Variants in CEMIP observed in about 807,000 individuals in gnomAD.
CEMIP encodes cell migration-inducing and hyaluronan-binding protein.
Under a neutral mutation model 156.9 loss-of-function variants are expected in CEMIP, and 105 were observed. The observed-to-expected ratio is 0.67, with a 90% CI of 0.57 to 0.79. The LOEUF (loss-of-function observed/expected upper bound fraction) is 0.79, where lower values mean the gene tolerates loss of function less well. CEMIP is among the 30% of genes least tolerant of loss of function. The pLI is 0.00. For missense variants in CEMIP, 1,457 were observed against 1,769.4 expected (o/e 0.82, Z 3.17); for synonymous variants, 676 against 668.4 (o/e 1.01, Z -0.17).
chr15:80,862,877 C>T (rs544683385), intron 1 of CEMIP, among the ~76,000 whole-genome samples: 2 of 152,234 alleles, frequency 1.3e-5, no homozygotes, highest in Non-Finnish European at 2.9e-5. Flanking sequence ...ATAAGTGAAT[C>T]TCAGAGGTGA....
At chr15:80,881,264 C>A (rs1049637837) in intron 6 of CEMIP, 128 bp downstream of exon 6, 2 of 853,260 alleles carry the variant, frequency 2.3e-6, no homozygotes, top group Admixed American at 1.7e-5. Context: ...GGAATCCCTG[C>A]CTTCAAGGAG....
chr15:80,880,735 G>A (rs972741523), intron 5 of CEMIP, among the ~76,000 whole-genome samples, 165 bp from the exon 6 acceptor site: 3 of 152,124 alleles, frequency 2.0e-5, no homozygotes, highest in Non-Finnish European at 2.9e-5. Flanking sequence ...AAGCCCAGCC[G>A]CTAGTGTTAT....
chr15:80,934,205 G>A (rs1278151382), intron 23 of CEMIP, among the ~76,000 whole-genome samples: 1 of 152,074 alleles, frequency 6.6e-6, no homozygotes, highest in Non-Finnish European at 1.5e-5. Flanking sequence ...CTTGGAGAAT[G>A]TGTGATATTT....
chr15:80,804,890 A>T (rs1896473951), intron 1 of CEMIP, among the ~76,000 whole-genome samples: 1 of 152,150 alleles, frequency 6.6e-6, no homozygotes, highest in South Asian at 2.1e-4. Context: ...AAGCAACAAT[A>T]AGGTTTTGGA....
chr15:80,797,701 G>A (rs181082715), intron 1 of CEMIP, among the ~76,000 whole-genome samples: 90 of 152,290 alleles, frequency 5.9e-4, no homozygotes, highest in African/African-American at 2.0e-3. Flanking sequence ...TGGCCTGGAT[G>A]GAGGGGCCAG....
intron 1 of CEMIP, among the ~76,000 whole-genome samples, chr15:80,869,407 A>C (rs147552667): frequency 6.6e-6 from 1 of 152,224 alleles, no homozygotes. Flanking sequence ...GGTGTGGTTG[A>C]TTCCAAAGCC....
intron 18 of CEMIP, among the ~76,000 whole-genome samples, chr15:80,925,063 A>G (rs1175911979): frequency 1.3e-5 from 2 of 152,242 alleles, no homozygotes; most frequent in Non-Finnish European, 2.9e-5. Flanking sequence ...ATGGGAAAGA[A>G]CATGCAAGTC....
intron 1 of CEMIP, among the ~76,000 whole-genome samples, chr15:80,863,007 C>T (rs1898026283): frequency 6.6e-6 from 1 of 152,162 alleles, no homozygotes; most frequent in South Asian, 2.1e-4. Flanking sequence ...AGGACCCTTC[C>T]TCGCTGCAGC....
chr15:80,832,169 T>G (rs1358261756), intron 1 of CEMIP, among the ~76,000 whole-genome samples: 1 of 152,164 alleles, frequency 6.6e-6, no homozygotes, highest in African/African-American at 2.4e-5. Context: ...GTTTGAAAAT[T>G]TTGCACTTTC....
intron 10 of CEMIP, among the ~76,000 whole-genome samples, chr15:80,890,682 C>A (rs530879831): frequency 6.6e-6 from 1 of 152,138 alleles, no homozygotes; most frequent in Admixed American, 6.5e-5. Flanking sequence ...CCCATTTGTA[C>A]AACACTTTTT....
At chr15:80,900,095 G>A (rs1460314031) in intron 12 of CEMIP, among the ~76,000 whole-genome samples, 1 of 152,198 alleles carries the variant, frequency 6.6e-6, no homozygotes, top group Non-Finnish European at 1.5e-5. Context: ...TGCACCCCAG[G>A]GTGGGTCACC....
In CEMIP at chr15:80,924,679, G is replaced by A. The variant is rs202038667; in HGVS notation, c.2261G>A (p.Arg754Gln). The A allele has an allele frequency of 8.5e-5, 138 of 1,614,150 alleles. No individual in the cohort carries two copies. In the Middle Eastern group the frequency reaches 9.9e-4, roughly 12 times the overall value. Residue 754 changes from arginine to glutamine, a missense_variant, in exon 18 of 30, where the codon CGG (arginine) becomes CAG (glutamine). Transcript: ENST00000394685. ...ACCGAGGCCTCTGCCAAGGACAAGC[G>A]GCCGTTCCTCTCAATCATCTCTGCC... ...KTTEASAKDK[R>Q]PFLSIISARY...
At chr15:80,865,852 T>A (rs186040406) in intron 1 of CEMIP, among the ~76,000 whole-genome samples, 73 of 152,270 alleles carry the variant, frequency 4.8e-4, no homozygotes, top group African/African-American at 1.6e-3. Flanking sequence ...TTAGGACATA[T>A]CTGGTTTGCT....
In CEMIP at chr15:80,843,424, G is replaced by A. The variant is rs188810632; in HGVS notation, c.-175-30114G>A. 1.9e-4 allele frequency among the ~76,000 whole-genome samples: 29 copies of A among 152,310 alleles called. No homozygotes were observed. In the East Asian group the frequency reaches 4.4e-3, roughly 23 times the overall value. On this transcript the variant is annotated intron_variant, in intron 1 of 29. Transcript: ENST00000394685. ...CTTCACGCAGCTCCTGTTCTACTGC[G>A]CACACTGCCTCTGCTCAGAGACAGC...
At chr15:80,836,226 G>A (rs1342423055) in intron 1 of CEMIP, among the ~76,000 whole-genome samples, 2 of 152,158 alleles carry the variant, frequency 1.3e-5, no homozygotes, top group African/African-American at 4.8e-5. Context: ...GAAGAGTTAA[G>A]TGTGCTGAGC....
chr15:80,867,616 G>A (rs1898165619), intron 1 of CEMIP, among the ~76,000 whole-genome samples: 2 of 152,236 alleles, frequency 1.3e-5, no homozygotes, highest in Admixed American at 1.3e-4. Context: ...CCTGTCTAAG[G>A]AGACTGTGCT....
At chr15:80,900,747 C>T (rs74028105) in intron 12 of CEMIP, 502 of 339,108 alleles carry the variant, frequency 1.5e-3, no homozygotes, top group African/African-American at 0.011. Context: ...TCCCCAAGCC[C>T]ATTCTCTGGC....
At chr15:80,937,167 C>G (rs574062837) in intron 24 of CEMIP, among the ~76,000 whole-genome samples, 1 of 152,208 alleles carries the variant, frequency 6.6e-6, no homozygotes, top group African/African-American at 2.4e-5. Context: ...CAATGAGGAC[C>G]CAAGGAGATA....
intron 1 of CEMIP, among the ~76,000 whole-genome samples, chr15:80,867,211 C>G (rs1898153196): frequency 6.6e-6 from 1 of 152,184 alleles, no homozygotes; most frequent in Admixed American, 6.5e-5. Context: ...CCAGACCTGC[C>G]CTATCAGAAT....
Sources: gnomAD v4.1 joint callset for allele counts (sites outside exome capture counted in the v4.1 genomes callset) on GRCh38, gnomAD v4.1.1 for gene constraint, MANE v1.5 for transcripts, NCBI Gene and HGNC (gene_info 2026-07-23, HGNC 2026-07-21) for gene names.